The following LYPLA1 variants were observed in gnomAD, a reference collection of about 807,000 sequenced individuals.
The protein encoded by LYPLA1 is lysophospholipase 1.
LYPLA1 carries 17 observed loss-of-function variants against 34.0 expected under a neutral mutation model. That is an observed-to-expected ratio of 0.50 (90% confidence interval 0.34 to 0.75). The LOEUF (loss-of-function observed/expected upper bound fraction) is 0.75. Ranked by LOEUF, LYPLA1 falls within the 30% of genes least tolerant of loss-of-function variation. LYPLA1 has a pLI of 0.01. For synonymous variants in LYPLA1, 98 were observed against 100.8 expected, an observed-to-expected ratio of 0.97 and a Z score of 0.17; for missense variants, 203 against 288.8, an observed-to-expected ratio of 0.70 and a Z score of 2.15.
chr8:54,050,710 C>G (rs1427983677), intron 8 of LYPLA1, among the ~76,000 whole-genome samples: 6 of 152,142 alleles, frequency 3.9e-5, no homozygotes, highest in African/African-American at 1.4e-4. Flanking sequence ...CAATGTATAT[C>G]ACATTCTGCT....
intron 2 of LYPLA1, among the ~76,000 whole-genome samples, chr8:54,069,150 T>C (rs1327402214): frequency 6.6e-6 from 1 of 152,146 alleles, no homozygotes; most frequent in Non-Finnish European, 1.5e-5. Flanking sequence ...ATCAATATAA[T>C]GATGAAAGGA....
Position 54,083,676 on chromosome 8 carries a change from T to G in LYPLA1, c.101+17232A>C, listed in dbSNP as rs147380084. ...GGTTCTGTTCCAACAAAACCTTATT[T>G]ATGTACAATAAAATCTGAGTTTCAT... On this transcript the variant is annotated intron_variant, in intron 2 of 8. Transcript: ENST00000316963. Among the ~76,000 whole-genome samples, 528 of 152,302 alleles carry G rather than the reference T, an allele frequency of 3.5e-3. 5 individuals are homozygous for G. The highest frequency in any genetic ancestry group is 0.012 in the African/African-American group (506 of 41,556).
At chr8:54,070,410 T>C (rs1329141040) in intron 2 of LYPLA1, among the ~76,000 whole-genome samples, 2 of 152,130 alleles carry the variant, frequency 1.3e-5, no homozygotes, top group African/African-American at 2.4e-5. Flanking sequence ...AACCCAAATG[T>C]CCATCAAATG....
chr8:54,092,386 AAAG>A (rs1476065931), intron 2 of LYPLA1, among the ~76,000 whole-genome samples: 2 of 152,008 alleles, frequency 1.3e-5, no homozygotes, highest in South Asian at 2.1e-4. Flanking sequence ...AAGAAAGAAG[AAAG>A]AAGAAGAGGA....
rs372874138 is a variant in LYPLA1 at position 54,063,052 on chromosome 8, T to C, written c.215+276A>G. Among the ~76,000 whole-genome samples the C allele has an allele frequency of 7.3e-4, 111 of 152,320 alleles. 1 individual carries two copies. The East Asian group carries it at 0.018, about 25-fold the overall frequency. On this transcript the variant is annotated intron_variant, in intron 4 of 8. Transcript: ENST00000316963. The stretch of plus-strand genomic sequence containing the variant: ...TGTGGTTTAATAGGGGTCATTCGAA[T>C]GTTGGGTTACTAAAACCAACAAAGG...
At chr8:54,060,861 T>G (rs1806571118) in intron 5 of LYPLA1, among the ~76,000 whole-genome samples, 2 of 150,526 alleles carry the variant, frequency 1.3e-5, no homozygotes, top group Admixed American at 6.6e-5. Flanking sequence ...CCTGGCTAAT[T>G]TTTTTGTATT....
intron 2 of LYPLA1, among the ~76,000 whole-genome samples, chr8:54,077,233 T>A (rs1807977715): frequency 6.6e-6 from 1 of 151,758 alleles, no homozygotes; most frequent in East Asian, 1.9e-4. Flanking sequence ...AAGCAAACCA[T>A]CACAGGAACC....
chr8:54,067,386 C>A (rs62515827), intron 2 of LYPLA1, among the ~76,000 whole-genome samples: 1 of 151,962 alleles, frequency 6.6e-6, no homozygotes, highest in African/African-American at 2.4e-5. Flanking sequence ...TTTCTTCATG[C>A]GTACATGTTC....
At chr8:54,091,581 A>AAAGGAAGGAAGGAAGGAAGGAAGG (rs200125817) in intron 2 of LYPLA1, among the ~76,000 whole-genome samples, 1 of 142,270 alleles carries the variant, frequency 7.0e-6, no homozygotes, top group African/African-American at 2.7e-5. Flanking sequence ...GAAAGAAAGA[A>AAAGGAAGGAAGGAAGGAAGGAAGG]AAGGAAGGAA....
Position 54,069,248 on chromosome 8 carries a change from T to C in LYPLA1, c.102-3435A>G, listed in dbSNP as rs553442960. Among the ~76,000 whole-genome samples the C allele has an allele frequency of 2.6e-5, 4 of 152,302 alleles. No homozygotes were observed. The East Asian group carries it at 7.7e-4, about 29-fold the overall frequency. ...TTTCAAAATGCTAGAAGAAAGGGTG[T>C]TGAATGTTCACAATGCAAAGAAACG... On this transcript the variant is annotated intron_variant, in intron 2 of 8. Transcript: ENST00000316963.
intron 2 of LYPLA1, chr8:54,100,627 C>G: frequency 4.9e-6 from 2 of 405,400 alleles, no homozygotes; most frequent in Non-Finnish European, 8.9e-6. Context: ...TCCCTACTAA[C>G]ATTCCACGGA....
At position 54,085,562 on chromosome 8, in the gene LYPLA1, G is replaced by A. The variant is rs530073145; in HGVS notation, c.101+15346C>T. 3.4e-3 allele frequency among the ~76,000 whole-genome samples: 515 copies of A among 150,690 alleles called. 2 individuals carry two copies. Among genetic ancestry groups the A allele is most frequent in the African/African-American group, 0.012 (491 of 41,038 alleles). ...GTCTCTGCCCGGCCGCCCATCGTCT[G>A]GGATGTGGGGAGCGCCTCTGCCCTG... is the stretch of plus-strand genomic sequence containing the variant. On this transcript the variant is annotated intron_variant, in intron 2 of 8. Transcript: ENST00000316963.
intron 2 of LYPLA1, among the ~76,000 whole-genome samples, chr8:54,090,062 G>T (rs889328604): frequency 2.6e-5 from 4 of 152,210 alleles, no homozygotes; most frequent in Admixed American, 1.3e-4. Context: ...AATCACGGAG[G>T]ATTCACATCA....
intron 2 of LYPLA1, among the ~76,000 whole-genome samples, chr8:54,082,497 T>G (rs1174627168): frequency 1.3e-5 from 2 of 152,178 alleles, no homozygotes; most frequent in African/African-American, 4.8e-5. Flanking sequence ...TACTTTTTTT[T>G]TGGTAGAGAC....
chr8:54,074,387 T>C (rs1397685323), intron 2 of LYPLA1, among the ~76,000 whole-genome samples: 1 of 152,252 alleles, frequency 6.6e-6, no homozygotes, highest in Non-Finnish European at 1.5e-5. Flanking sequence ...TCTTCATACG[T>C]GGTTCATTCC....
intron 2 of LYPLA1, among the ~76,000 whole-genome samples, chr8:54,067,598 C>G (rs1807158995): frequency 6.6e-6 from 1 of 151,932 alleles, no homozygotes; most frequent in Non-Finnish European, 1.5e-5. Flanking sequence ...TACATTTGGC[C>G]ATATACTTGA....
chr8:54,097,006 A>C (rs749270903), intron 2 of LYPLA1, among the ~76,000 whole-genome samples: 5 of 151,382 alleles, frequency 3.3e-5, no homozygotes, highest in Non-Finnish European at 7.4e-5. Context: ...ATGGAATGAC[A>C]AAAAAAAAGG....
intron 2 of LYPLA1, among the ~76,000 whole-genome samples, chr8:54,081,976 C>T (rs949735271): frequency 1.3e-5 from 2 of 152,014 alleles, no homozygotes; most frequent in African/African-American, 2.4e-5. Flanking sequence ...GTGATCCGCC[C>T]GCCTCCACCT....
At chr8:54,065,459 AAAATAAATAAAT>A (rs4014133) in intron 3 of LYPLA1, among the ~76,000 whole-genome samples, 7 of 146,004 alleles carry the variant, frequency 4.8e-5, no homozygotes, top group Admixed American at 6.9e-5. Flanking sequence ...CTCTGTCTCA[AAAATAAATAAAT>A]AAATAAATAA....
Sources: gnomAD v4.1 joint callset for allele counts (sites outside exome capture counted in the v4.1 genomes callset) on GRCh38, gnomAD v4.1.1 for gene constraint, MANE v1.5 for transcripts, NCBI Gene and HGNC (gene_info 2026-07-23, HGNC 2026-07-21) for gene names.